LRRK1: variants seen among roughly 807,000 people sequenced by gnomAD.
LRRK1 encodes leucine-rich repeat serine/threonine-protein kinase 1.
In LRRK1, 113 loss-of-function variants were observed where a neutral mutation model predicts 209.1. The ratio of observed to expected loss-of-function variants is 0.54; its 90% CI spans 0.46 to 0.63. The LOEUF (loss-of-function observed/expected upper bound fraction) is 0.63. Among genes scored for constraint, LRRK1 ranks in the 30% least tolerant of loss-of-function variants. The pLI is 0.00. For synonymous variants in LRRK1, 1,144 were observed against 1,099.7 expected (o/e 1.04, Z -0.80); for missense variants, 2,284 against 2,632.2 (o/e 0.87, Z 2.89).
intron 32 of LRRK1, among the ~76,000 whole-genome samples, 188 bp downstream of exon 32, chr15:101,066,393 A>G (rs1253962622): frequency 6.6e-6 from 1 of 152,240 alleles, no homozygotes; most frequent in African/African-American, 2.4e-5. Context: ...GAGTGGCCGC[A>G]CAAAAGCTTA....
In LRRK1 at chr15:101,070,295, G is replaced by A. The variant is rs2036746621; in HGVS notation, c.*1447G>A. 1.4e-5 allele frequency: 2 copies of A among 147,510 alleles called. No individual in the cohort carries two copies. Among genetic ancestry groups the A allele is most frequent in the African/African-American group, 2.5e-5 (1 of 39,708 alleles). The allele number at this position is 147,510 out of a possible 1,614,324, so 9.1% of individuals were successfully genotyped here. A position where few individuals can be genotyped will look rare whatever the true frequency, so the allele number is the denominator to read the frequency against. On this transcript the variant is annotated 3_prime_UTR_variant, in exon 34 of 34. Transcript: ENST00000388948. Reference sequence around the variant, plus strand: ...TGTCAGTCACAGGCTTGGAAAAAGCGAGTCCCCCCACTCTTTTTTTTTTTT... The same window carrying A: ...TGTCAGTCACAGGCTTGGAAAAAGCAAGTCCCCCCACTCTTTTTTTTTTTT...
chr15:101,038,980 T>G (rs1220818245), intron 20 of LRRK1, among the ~76,000 whole-genome samples: 1 of 152,206 alleles, frequency 6.6e-6, no homozygotes, highest in Non-Finnish European at 1.5e-5. Flanking sequence ...AGTCTCTATT[T>G]CCATGTAAGG....
Position 101,066,215 on chromosome 15 carries a change from C to T in LRRK1, c.5768+10C>T. On this transcript the variant is annotated intron_variant, in intron 32 of 33. Coordinates refer to ENST00000388948, the MANE Select transcript of LRRK1 (RefSeq NM_024652.6). ...TCATTTGGGTCCCCAGGTACGTTTCCCGAGGTGAGGGCACCATCCAGGGCA... is the reference window on the plus strand; with the variant it reads ...TCATTTGGGTCCCCAGGTACGTTTCTCGAGGTGAGGGCACCATCCAGGGCA... 6 of 1,594,138 alleles carry T rather than the reference C, an allele frequency of 3.8e-6. No homozygotes were observed. The highest frequency in any genetic ancestry group is 1.1e-5 in the South Asian group (1 of 88,342).
intron 32 of LRRK1, 54 bp from the exon 33 acceptor site, chr15:101,066,586 C>T (rs544408465): frequency 2.0e-5 from 31 of 1,545,694 alleles, no homozygotes; most frequent in African/African-American, 9.5e-5. Flanking sequence ...CTTCACTCCC[C>T]GGAGAGCACG....
At position 100,924,693 on chromosome 15, in the gene LRRK1, G is replaced by T; in HGVS notation, c.61G>T (p.Ala21Ser). Reference sequence around the variant, plus strand: ...CTGGTGTGTGGGGCCGGAGGAGTCAGCTGTGTGTCCAGAACGTGCCATGGA... The same window carrying T: ...CTGGTGTGTGGGGCCGGAGGAGTCATCTGTGTGTCCAGAACGTGCCATGGA... ...MYWCVGPEES[A>S]VCPERAMETL... is the part of the protein sequence containing the mutation. Residue 21 changes from alanine (A) to serine (S), a missense_variant, in exon 2 of 34, where the codon GCT becomes TCT. Physicochemically the swap from Ala to Ser is moderately conservative, Grantham distance 99. Around this residue, in one of 6 missense-constraint regions of LRRK1, gnomAD observed 174 missense variants for 133.5 expected, o/e 1.30. Coordinates refer to ENST00000388948, the MANE Select transcript of LRRK1 (RefSeq NM_024652.6). The T allele has an allele frequency of 6.2e-7, 1 of 1,614,196 alleles. No individual in the cohort carries two copies. The highest frequency in any genetic ancestry group is 8.5e-7 in the Non-Finnish European group (1 of 1,180,028).
chr15:101,067,645 C>T (rs2036610921), intron 33 of LRRK1, among the ~76,000 whole-genome samples: 1 of 152,228 alleles, frequency 6.6e-6, no homozygotes. Flanking sequence ...CACTCCCTTG[C>T]CTGCCAGCTT....
At chr15:100,964,461 G>A (rs955472131) in intron 2 of LRRK1, among the ~76,000 whole-genome samples, 1 of 152,330 alleles carries the variant, frequency 6.6e-6, no homozygotes, top group African/African-American at 2.4e-5. Context: ...GTCACCTCCC[G>A]GGAAGGCCAG....
intron 5 of LRRK1, among the ~76,000 whole-genome samples, 167 bp from the exon 6 acceptor site, chr15:100,989,083 G>C (rs759682582): frequency 1.9e-4 from 29 of 152,244 alleles, no homozygotes; most frequent in Non-Finnish European, 1.5e-4. Context: ...AAGCCCCACA[G>C]AAATTCTCCC....
At position 101,009,098 on chromosome 15, in the gene LRRK1, A is replaced by G. The variant is rs577031158; in HGVS notation, c.989+35A>G. 17 of 1,502,972 alleles carry G rather than the reference A, an allele frequency of 1.1e-5. No individual in the cohort carries two copies. In the South Asian group the frequency reaches 1.4e-4, roughly 12 times the overall value. 93.1% of individuals were successfully genotyped at this position (1,502,972 alleles called of 1,614,324 possible). ...CGGGGTGTGACCGGAGCCGTGTGTG[A>G]CCCCGCTGTCACCGTTGTGCTCCTG... On this transcript the variant is annotated intron_variant, in intron 7 of 33. Coordinates refer to ENST00000388948, the MANE Select transcript of LRRK1 (RefSeq NM_024652.6).
At position 100,969,069 on chromosome 15, in the gene LRRK1, G is replaced by A. The variant is rs370516740; in HGVS notation, c.98-4735G>A. Among the ~76,000 whole-genome samples, 24 of 152,204 alleles carry A rather than the reference G, an allele frequency of 1.6e-4. 2 individuals carry two copies. Among genetic ancestry groups the A allele is most frequent in the Admixed American group, 7.8e-4 (12 of 15,294 alleles). ...TTCCCAGACTGGTCTCAAACTCCTA[G>A]GCTCAATGGATACACCCACCTTGGC... is the stretch of plus-strand genomic sequence containing the variant. On this transcript the variant is annotated intron_variant, in intron 2 of 33. Coordinates refer to ENST00000388948, the MANE Select transcript of LRRK1 (RefSeq NM_024652.6).
intron 6 of LRRK1, among the ~76,000 whole-genome samples, chr15:100,995,626 A>G (rs2032370725): frequency 6.6e-6 from 1 of 152,326 alleles, no homozygotes; most frequent in South Asian, 2.1e-4. Flanking sequence ...GCCATGAGAA[A>G]TAGCTTAATG....
Position 101,027,568 on chromosome 15 carries a change from C to T in LRRK1, c.2527-70C>T, listed in dbSNP as rs537337084. 4.3e-5 allele frequency: 67 copies of T among 1,571,194 alleles called. No homozygotes were observed. The African/African-American group carries it at 8.1e-4, about 19-fold the overall frequency. ...ACCCCCTCAGGCCACAGGGGCCGGG[C>T]AGGATCTGCCCAAGCTGGCAGGTGT... On this transcript the variant is annotated intron_variant, in intron 18 of 33. Coordinates refer to ENST00000388948, the MANE Select transcript of LRRK1 (RefSeq NM_024652.6). This position sits in a 1 kb window ranked among gnomAD's most constrained non-coding sequence, Gnocchi z 5.1.
At chr15:101,045,914 C>A in intron 20 of LRRK1, 67 bp from the exon 21 acceptor site, 2 of 1,400,040 alleles carry the variant, frequency 1.4e-6, no homozygotes, top group Non-Finnish European at 2.0e-6. Context: ...AGGCCATCTG[C>A]TGGGGTCAGG....
intron 11 of LRRK1, 107 bp downstream of exon 11, chr15:101,014,535 G>T (rs367781171): frequency 1.4e-6 from 1 of 735,282 alleles, no homozygotes. Context: ...CTGCTGAGCC[G>T]CCAGCTGGGG....
intron 6 of LRRK1, among the ~76,000 whole-genome samples, chr15:101,002,615 C>T (rs1245280815): frequency 6.6e-6 from 1 of 152,182 alleles, no homozygotes; most frequent in South Asian, 2.1e-4. Context: ...TTTGCTCTCT[C>T]GGAATCTTGT....
intron 2 of LRRK1, among the ~76,000 whole-genome samples, chr15:100,941,486 G>GCCTGTATC (rs1567191347): frequency 3.9e-5 from 4 of 101,426 alleles, no homozygotes; most frequent in Admixed American, 1.1e-4. Context: ...GTGTGTGTGT[G>GCCTGTATC]TGTGTGTGTG....
At chr15:100,946,033 G>C (rs2042534443) in intron 2 of LRRK1, among the ~76,000 whole-genome samples, 1 of 152,084 alleles carries the variant, frequency 6.6e-6, no homozygotes, top group African/African-American at 2.4e-5. Flanking sequence ...AAAATACTTA[G>C]GGGAAATAGC....
intron 29 of LRRK1, among the ~76,000 whole-genome samples, chr15:101,059,802 A>C (rs777690165): frequency 1.3e-5 from 2 of 152,236 alleles, no homozygotes; most frequent in Non-Finnish European, 2.9e-5. Context: ...CTAAGTACCA[A>C]AGTGAACCAG....
At chr15:100,981,580 A>T (rs2141661891) in intron 3 of LRRK1, among the ~76,000 whole-genome samples, 1 of 152,314 alleles carries the variant, frequency 6.6e-6, no homozygotes, top group Admixed American at 6.5e-5. Context: ...TGTTTCCAGG[A>T]AGTCTTGGAT....
Sources: gnomAD v4.1 joint callset for allele counts (sites outside exome capture counted in the v4.1 genomes callset) on GRCh38, gnomAD v4.1.1 for gene constraint, gnomAD v4.1.1 regional missense constraint, Gnocchi (gnomAD v3.1) non-coding constraint, MANE v1.5 for transcripts, NCBI Gene and HGNC (gene_info 2026-07-23, HGNC 2026-07-21) for gene names.